Variants in GALNT18 observed in about 807,000 individuals in gnomAD.
GALNT18 encodes GalNAc-transferase 18.
A neutral mutation model predicts 69.5 loss-of-function variants in GALNT18; 44 were observed. That is an observed-to-expected ratio of 0.63 (90% CI 0.50 to 0.81). GALNT18 has a LOEUF of 0.81. Among genes scored for constraint, GALNT18 ranks in the 40% least tolerant of loss-of-function variants. The probability of loss-of-function intolerance (pLI) is 0.00; values close to 1 mark genes in which losing one functional copy is unlikely to be tolerated. For missense variants in GALNT18, 715 were observed against 810.0 expected (o/e 0.88, Z 1.42); for synonymous variants, 364 against 318.2 (o/e 1.14, Z -1.53).
At chr11:11,362,356 G>T (rs181719772) in intron 6 of GALNT18, among the ~76,000 whole-genome samples, 2 of 152,038 alleles carry the variant, frequency 1.3e-5, no homozygotes, top group Non-Finnish European at 2.9e-5. Context: ...AGCAGCCTTT[G>T]GATGGCAAAA....
intron 1 of GALNT18, among the ~76,000 whole-genome samples, chr11:11,559,185 C>T (rs763913873): frequency 2.6e-5 from 4 of 152,200 alleles, no homozygotes; most frequent in Middle Eastern, 3.2e-3. Context: ...TTGCTGTTTG[C>T]CTGGCAAACT....
In GALNT18 at chr11:11,396,233, G is replaced by A. The variant is rs1854322999; in HGVS notation, c.596-16969C>T. On this transcript the variant is annotated intron_variant, in intron 3 of 10. Transcript: ENST00000227756. This position sits in a 1 kb window ranked among gnomAD's most constrained non-coding sequence, Gnocchi z 5.2. ...AGAGCAAAGAACTGGCACGACAGCG[G>A]CTGGGTCTGTCAGTGGTGTTCGCAA... 6.6e-6 allele frequency among the ~76,000 whole-genome samples: 1 copy of A among 152,242 alleles called. No homozygotes were observed. Among genetic ancestry groups the A allele is most frequent in the Non-Finnish European group, 1.5e-5 (1 of 68,048 alleles).
chr11:11,593,812 C>T (rs1859422042), intron 1 of GALNT18, among the ~76,000 whole-genome samples: 1 of 152,178 alleles, frequency 6.6e-6, no homozygotes, highest in South Asian at 2.1e-4. Context: ...TCCAGCCTTT[C>T]TCAATTGCAC....
intron 9 of GALNT18, among the ~76,000 whole-genome samples, chr11:11,298,417 C>T (rs567472539): frequency 3.9e-5 from 6 of 152,362 alleles, no homozygotes; most frequent in East Asian, 3.9e-4. Flanking sequence ...CTCTCCCCTC[C>T]TTGCCTAGGG....
chr11:11,538,607 C>A lies in GALNT18; in HGVS notation c.235+82752G>T, dbSNP rs1857838387. ...CCTCTCAGGGGCCTCGTCAGCAGCT[C>A]CTATCTGGGGATGAAGCACAGGCTG... is the stretch of plus-strand genomic sequence containing the variant. On this transcript the variant is annotated intron_variant, in intron 1 of 10. Coordinates refer to ENST00000227756, the MANE Select transcript of GALNT18 (RefSeq NM_198516.3). This position sits in a 1 kb window ranked among gnomAD's most constrained non-coding sequence, Gnocchi z 5.2. Among the ~76,000 whole-genome samples the A allele has an allele frequency of 6.6e-6, 1 of 152,324 alleles. No homozygotes were observed. Among genetic ancestry groups the A allele is most frequent in the African/African-American group, 2.4e-5 (1 of 41,574 alleles).
rs76002060 is a variant in GALNT18 at position 11,437,463 on chromosome 11, G to A, written c.429-4676C>T. Among the ~76,000 whole-genome samples the A allele has an allele frequency of 2.1e-3, 316 of 152,166 alleles. 1 individual carries two copies. The highest frequency in any genetic ancestry group is 7.3e-3 in the African/African-American group (305 of 41,516). ...TGCAGGGATGGGGAGCAACAACTTA[G>A]GGGGCTTCTCTGCAGAGATCCCCCA... is the stretch of plus-strand genomic sequence containing the variant. On this transcript the variant is annotated intron_variant, in intron 2 of 10. Coordinates refer to ENST00000227756, the MANE Select transcript of GALNT18 (RefSeq NM_198516.3).
intron 6 of GALNT18, among the ~76,000 whole-genome samples, chr11:11,366,318 A>T (rs1239326358): frequency 6.6e-6 from 1 of 152,232 alleles, no homozygotes; most frequent in Non-Finnish European, 1.5e-5. Context: ...ACTATAATAC[A>T]TATAAATTAA....
Position 11,332,890 on chromosome 11 carries a change from ACT to A in GALNT18, c.1279-61_1279-60del. The A allele has an allele frequency of 6.3e-7, 1 of 1,588,200 alleles. No individual in the cohort carries two copies. Among genetic ancestry groups the A allele is most frequent in the Non-Finnish European group, 8.6e-7 (1 of 1,167,596 alleles). On this transcript the variant is annotated intron_variant, in intron 7 of 10. Transcript: ENST00000227756. The surrounding 1 kb of genome is among the most constrained non-coding windows in gnomAD (Gnocchi z 4.3). ...CTCCCAGGTTGCAGCTTCTCCCCAAACTCTACTTTGGCATGACCTTGTGCCCC... is the reference window on the plus strand; with the variant it reads ...CTCCCAGGTTGCAGCTTCTCCCCAAACTACTTTGGCATGACCTTGTGCCCC...
chr11:11,446,016 G>A (rs546108806), intron 2 of GALNT18, among the ~76,000 whole-genome samples: 4 of 152,108 alleles, frequency 2.6e-5, no homozygotes, highest in Non-Finnish European at 5.9e-5. Flanking sequence ...TCCCACATGC[G>A]CTCTCATTGT....
At chr11:11,579,639 T>G (rs1289101143) in intron 1 of GALNT18, among the ~76,000 whole-genome samples, 1 of 152,102 alleles carries the variant, frequency 6.6e-6, no homozygotes, top group African/African-American at 2.4e-5. Flanking sequence ...CACCTGGAGC[T>G]CCTTGTGAGG....
chr11:11,364,862 G>T (rs1850726825), intron 6 of GALNT18, among the ~76,000 whole-genome samples: 1 of 152,172 alleles, frequency 6.6e-6, no homozygotes, highest in Admixed American at 6.5e-5. Context: ...AGAGTTAGGT[G>T]GGGGATTAGG....
intron 9 of GALNT18, among the ~76,000 whole-genome samples, chr11:11,308,398 C>T (rs1013559424): frequency 1.3e-5 from 2 of 152,170 alleles, no homozygotes; most frequent in African/African-American, 4.8e-5. Context: ...CCTCACTCCA[C>T]CCCTGATATG....
At chr11:11,437,947 G>A (rs1233690155) in intron 2 of GALNT18, among the ~76,000 whole-genome samples, 6 of 152,130 alleles carry the variant, frequency 3.9e-5, no homozygotes, top group Non-Finnish European at 7.4e-5. Flanking sequence ...TCCCCTCAGG[G>A]GATCTTCCTG....
intron 6 of GALNT18, among the ~76,000 whole-genome samples, chr11:11,361,468 A>G (rs926328355): frequency 2.6e-5 from 4 of 152,200 alleles, no homozygotes; most frequent in African/African-American, 9.6e-5. Context: ...CTCACATATA[A>G]TACCTGTCAT....
chr11:11,352,154 G>A (rs1564905999), intron 6 of GALNT18: 1 of 1,613,460 alleles, frequency 6.2e-7, no homozygotes, highest in South Asian at 1.1e-5. Flanking sequence ...TGTAGAAATA[G>A]GGGTGCTCCA....
chr11:11,554,187 A>G (rs1411950134), intron 1 of GALNT18, among the ~76,000 whole-genome samples: 1 of 152,208 alleles, frequency 6.6e-6, no homozygotes, highest in Non-Finnish European at 1.5e-5. Context: ...CTGTGAGGAC[A>G]GCAATGTTTC....
At chr11:11,277,794 C>T (rs946682712) in intron 10 of GALNT18, among the ~76,000 whole-genome samples, 1 of 152,130 alleles carries the variant, frequency 6.6e-6, no homozygotes, top group African/African-American at 2.4e-5. Flanking sequence ...GTTCAGTTTC[C>T]ATGTAATTGT....
intron 1 of GALNT18, among the ~76,000 whole-genome samples, chr11:11,607,363 G>C (rs1859781177): frequency 6.6e-6 from 1 of 152,174 alleles, no homozygotes; most frequent in South Asian, 2.1e-4. Context: ...TATTGCCTGG[G>C]AAGTTTCAGA....
In GALNT18 at chr11:11,347,753, C is replaced by T. The variant is rs1010821802; in HGVS notation, c.1093-6749G>A. The stretch of plus-strand genomic sequence containing the variant: ...AAACTCTTGGAACTAATGACTTGTA[C>T]GACTCATGTGGTCCTTATTTCTTGG... On this transcript the variant is annotated intron_variant, in intron 6 of 10. Transcript: ENST00000227756. The surrounding 1 kb of genome is among the most constrained non-coding windows in gnomAD (Gnocchi z 4.0). 1.5e-4 allele frequency among the ~76,000 whole-genome samples: 23 copies of T among 152,322 alleles called. No individual in the cohort carries two copies. Among genetic ancestry groups the T allele is most frequent in the African/African-American group, 4.1e-4 (17 of 41,568 alleles).
Sources: allele counts gnomAD v4.1 joint callset (sites outside exome capture counted in the v4.1 genomes callset), GRCh38; gene constraint gnomAD v4.1.1; non-coding constraint Gnocchi (gnomAD v3.1); transcripts MANE v1.5; gene names NCBI Gene and HGNC (gene_info 2026-07-23, HGNC 2026-07-21).